The following EPRS1 variants were observed in gnomAD, a reference collection of about 807,000 sequenced individuals.
EPRS1 encodes bifunctional glutamate/proline--tRNA ligase.
Under a neutral mutation model 188.3 loss-of-function variants are expected in EPRS1, and 107 were observed. That is an observed-to-expected ratio of 0.57 (90% CI 0.49 to 0.67). EPRS1 has a LOEUF of 0.67. Among genes scored for constraint, EPRS1 ranks in the 30% least tolerant of loss-of-function variants. The pLI is 0.00. For missense variants in EPRS1, 1,577 were observed against 1,802.2 expected, an observed-to-expected ratio of 0.88 and a Z score of 2.26; for synonymous variants, 596 against 593.1, an observed-to-expected ratio of 1.00 and a Z score of -0.07.
intron 12 of EPRS1, among the ~76,000 whole-genome samples, chr1:220,013,148 G>A (rs1455751368): frequency 6.6e-6 from 1 of 152,174 alleles, no homozygotes; most frequent in African/African-American, 2.4e-5. Context: ...TGCCTTGACT[G>A]AAAAGTTAAA....
At chr1:219,991,207 C>A (rs1191950645) in intron 18 of EPRS1, among the ~76,000 whole-genome samples, 3 of 133,824 alleles carry the variant, frequency 2.2e-5, no homozygotes, top group African/African-American at 2.8e-5. Context: ...AACATTTCTC[C>A]ATGGGGAAAG....
At chr1:219,986,336 T>C (rs2102567417) in intron 20 of EPRS1, among the ~76,000 whole-genome samples, 1 of 152,340 alleles carries the variant, frequency 6.6e-6, no homozygotes, top group South Asian at 2.1e-4. Context: ...CATCATAGCT[T>C]GTACTTACAC....
At chr1:219,995,284 T>TG (rs1444331958) in intron 18 of EPRS1, among the ~76,000 whole-genome samples, 1 of 152,226 alleles carries the variant, frequency 6.6e-6, no homozygotes, top group East Asian at 1.9e-4. Flanking sequence ...GGATGGGTGA[T>TG]GGATTCATAG....
chr1:219,978,406 T>C (rs1660819349), intron 28 of EPRS1, 140 bp downstream of exon 28: 2 of 604,944 alleles, frequency 3.3e-6, no homozygotes, highest in Non-Finnish European at 5.6e-6. Flanking sequence ...TGCTCAACAG[T>C]TTAAGTGAAG....
intron 12 of EPRS1, among the ~76,000 whole-genome samples, chr1:220,017,594 T>C (rs1224626942): frequency 2.6e-5 from 4 of 152,156 alleles, no homozygotes; most frequent in African/African-American, 9.7e-5. Context: ...AACAAGCAAC[T>C]ATATCTTGAG....
intron 9 of EPRS1, among the ~76,000 whole-genome samples, chr1:220,021,178 C>A (rs1447056758): frequency 6.6e-6 from 1 of 151,896 alleles, no homozygotes; most frequent in Non-Finnish European, 1.5e-5. Flanking sequence ...CCACTACACC[C>A]AACCAATGCT....
intron 12 of EPRS1, chr1:220,018,226 G>T: frequency 8.5e-7 from 1 of 1,181,520 alleles, no homozygotes; most frequent in Non-Finnish European, 1.2e-6. Flanking sequence ...ATAATTCCAA[G>T]TTTGTTTGTT....
intron 13 of EPRS1, among the ~76,000 whole-genome samples, chr1:220,010,691 T>G (rs1384831695): frequency 6.6e-6 from 1 of 151,788 alleles, no homozygotes; most frequent in African/African-American, 2.4e-5. Flanking sequence ...GCACCTGTAA[T>G]TCCAGCTACT....
At chr1:220,039,382 C>A (rs866676855) in intron 2 of EPRS1, among the ~76,000 whole-genome samples, 104 of 152,290 alleles carry the variant, frequency 6.8e-4, no homozygotes, top group African/African-American at 2.4e-3. Context: ...TCCTTTTAAA[C>A]AGACTACATG....
chr1:220,007,035 T>C (rs890239027), intron 14 of EPRS1, among the ~76,000 whole-genome samples, 167 bp downstream of exon 14: 1 of 152,220 alleles, frequency 6.6e-6, no homozygotes, highest in East Asian at 1.9e-4. Flanking sequence ...AACTGAAAGA[T>C]ATATGGAAAA....
chr1:219,980,717 T>C (rs1051576040), intron 25 of EPRS1, 39 bp downstream of exon 25: 4 of 1,427,412 alleles, frequency 2.8e-6, no homozygotes, highest in Non-Finnish European at 3.9e-6. Flanking sequence ...TGAACAAAAA[T>C]AATGGAACAT....
chr1:219,980,433 A>C (rs981957116), intron 25 of EPRS1, among the ~76,000 whole-genome samples, 193 bp from the exon 26 acceptor site: 1 of 152,216 alleles, frequency 6.6e-6, no homozygotes, highest in African/African-American at 2.4e-5. Context: ...TGTAAAAAGA[A>C]GTCAAATAAC....
At chr1:220,037,746 TG>T (rs891267880) in intron 2 of EPRS1, among the ~76,000 whole-genome samples, 1 of 152,154 alleles carries the variant, frequency 6.6e-6, no homozygotes, top group African/African-American at 2.4e-5. Flanking sequence ...TTGTAAAATT[TG>T]AGAATACTGA....
chr1:220,012,159 T>A (rs1558054987), intron 12 of EPRS1, among the ~76,000 whole-genome samples: 1 of 152,280 alleles, frequency 6.6e-6, no homozygotes, highest in Admixed American at 6.5e-5. Context: ...CTAATCCTCA[T>A]CTGCTTATAT....
intron 16 of EPRS1, among the ~76,000 whole-genome samples, chr1:220,002,398 G>A (rs899856643): frequency 1.3e-5 from 2 of 151,466 alleles, no homozygotes; most frequent in African/African-American, 4.9e-5. Context: ...ATGAACTTTC[G>A]TCCATATGAA....
chr1:219,980,861 G>C lies in EPRS1; in HGVS notation c.3454-4C>G, dbSNP rs374401021. On this transcript the variant is annotated splice_region_variant and splice_polypyrimidine_tract_variant and intron_variant, in intron 24 of 31. Coordinates refer to ENST00000366923, the MANE Select transcript of EPRS1 (RefSeq NM_004446.3). Reference sequence around the variant, plus strand: ...GAGGATGCTTGAATTCCCAACGCTGGAAGAGGCAAGAAAACAATTTAGTCA... The same window carrying C: ...GAGGATGCTTGAATTCCCAACGCTGCAAGAGGCAAGAAAACAATTTAGTCA... 9 of 1,598,008 alleles carry C rather than the reference G, an allele frequency of 5.6e-6. No individual in the cohort carries two copies. The African/African-American group carries it at 1.1e-4, about 19-fold the overall frequency.
chr1:219,986,213 C>T (rs1469010385), intron 20 of EPRS1, among the ~76,000 whole-genome samples: 1 of 152,196 alleles, frequency 6.6e-6, no homozygotes. Flanking sequence ...GGAAACCCAT[C>T]ACAAAGTTCA....
At chr1:220,020,246 A>T in intron 9 of EPRS1, 25 bp from the exon 10 acceptor site, 4 of 1,442,284 alleles carry the variant, frequency 2.8e-6, no homozygotes, top group Non-Finnish European at 3.9e-6. Flanking sequence ...AATAAAATAA[A>T]CAAAACATTT....
intron 6 of EPRS1, among the ~76,000 whole-genome samples, chr1:220,027,493 G>A (rs959551058): frequency 4.7e-5 from 7 of 149,820 alleles, no homozygotes; most frequent in Non-Finnish European, 8.9e-5. Flanking sequence ...TCGGGAGGAT[G>A]AGGCAGGAGA....
Sources: gnomAD v4.1 joint callset for allele counts (sites outside exome capture counted in the v4.1 genomes callset) on GRCh38, gnomAD v4.1.1 for gene constraint, MANE v1.5 for transcripts, NCBI Gene and HGNC (gene_info 2026-07-23, HGNC 2026-07-21) for gene names.